The following C2orf92 variants were observed in gnomAD, a reference collection of about 807,000 sequenced individuals.
C2orf92 encodes the protein chromosome 2 open reading frame 92.
chr2:97,675,088 T>C (rs1675533650), intron 2 of C2orf92, among the ~76,000 whole-genome samples: 1 of 152,196 alleles, frequency 6.6e-6, no homozygotes, highest in South Asian at 2.1e-4. Flanking sequence ...CCAGTGCCAA[T>C]GCTGAGAGGA....
Position 97,677,625 on chromosome 2 carries a change from C to T in C2orf92, c.232+1697C>T, listed in dbSNP as rs997801209. 4.6e-5 allele frequency: 7 copies of T among 152,134 alleles called. No individual in the cohort carries two copies. The South Asian group carries it at 1.0e-3, about 22-fold the overall frequency. The allele number at this position is 152,134 out of a possible 1,614,324, so 9.4% of individuals were successfully genotyped here. ...TCCAGAGTTATCAAAATGTAATACA[C>T]AGAATGTCCATCTCTCAACGTAAAA... On this transcript the variant is annotated intron_variant, in intron 3 of 7. Coordinates refer to ENST00000627399, the MANE Select transcript of C2orf92 (RefSeq NM_001351368.2).
chr2:97,694,248 C>CTTTT (rs1175002909), intron 5 of C2orf92, among the ~76,000 whole-genome samples: 7 of 142,524 alleles, frequency 4.9e-5, no homozygotes, highest in Non-Finnish European at 3.1e-5. Flanking sequence ...TTCTTTCTTT[C>CTTTT]TTTTTTTTTT....
Position 97,681,869 on chromosome 2 carries a change from G to A in C2orf92, c.232+5941G>A, listed in dbSNP as rs559039301. On this transcript the variant is annotated intron_variant, in intron 3 of 7. Transcript: ENST00000627399. ...AAGACTCTGTCTCAAAAAAAAAAGG[G>A]GGGGGATCTTAAATAAATAACCTAA... Among the ~76,000 whole-genome samples the A allele has an allele frequency of 2.6e-5, 4 of 152,030 alleles. No homozygotes were observed. In the South Asian group the frequency reaches 8.3e-4, roughly 32 times the overall value.
At chr2:97,693,486 T>C (rs1676206085) in intron 5 of C2orf92, among the ~76,000 whole-genome samples, 1 of 152,268 alleles carries the variant, frequency 6.6e-6, no homozygotes, top group African/African-American at 2.4e-5. Flanking sequence ...TGTTAACATT[T>C]GTTATTACAT....
chr2:97,691,918 A>C (rs1405481585), intron 5 of C2orf92, among the ~76,000 whole-genome samples: 1 of 152,124 alleles, frequency 6.6e-6, no homozygotes, highest in Non-Finnish European at 1.5e-5. Flanking sequence ...ACCGCGCCTG[A>C]AAATAGTGTG....
chr2:97,686,229 G>A (rs968859903), intron 3 of C2orf92, among the ~76,000 whole-genome samples: 7 of 152,130 alleles, frequency 4.6e-5, no homozygotes, highest in Admixed American at 6.6e-5. Flanking sequence ...GCACTCTTAC[G>A]ATAACTAACC....
intron 5 of C2orf92, among the ~76,000 whole-genome samples, chr2:97,691,353 G>A (rs891754602): frequency 1.3e-5 from 2 of 152,180 alleles, no homozygotes; most frequent in African/African-American, 4.8e-5. Flanking sequence ...CCGCTGGGGT[G>A]GTGGGGCTGG....
intron 5 of C2orf92, among the ~76,000 whole-genome samples, chr2:97,698,666 G>T (rs552237374): frequency 1.3e-5 from 2 of 152,088 alleles, no homozygotes; most frequent in South Asian, 4.2e-4. Context: ...CGTCTTTCAG[G>T]ATCTGTGAGA....
intron 2 of C2orf92, 54 bp from the exon 3 acceptor site, chr2:97,675,791 C>T: frequency 2.5e-6 from 1 of 399,066 alleles, no homozygotes; most frequent in Non-Finnish European, 4.4e-6. Flanking sequence ...CTGAAGGGAA[C>T]AGCTGCAGAC....
At chr2:97,698,291 C>T (rs1676373305) in intron 5 of C2orf92, among the ~76,000 whole-genome samples, 1 of 152,224 alleles carries the variant, frequency 6.6e-6, no homozygotes, top group African/African-American at 2.4e-5. Context: ...GATAGGCAGG[C>T]CATGCTGGCC....
chr2:97,683,172 C>T (rs1369902040), intron 3 of C2orf92, among the ~76,000 whole-genome samples: 2 of 150,860 alleles, frequency 1.3e-5, no homozygotes, highest in Non-Finnish European at 2.9e-5. Flanking sequence ...ATTGAACACA[C>T]AAAAATCAGC....
At chr2:97,698,881 T>G (rs890588072) in intron 5 of C2orf92, 145 bp from the exon 6 acceptor site, 1 of 392,936 alleles carries the variant, frequency 2.5e-6, no homozygotes, top group Non-Finnish European at 4.5e-6. Flanking sequence ...ACCAAAACAC[T>G]GAGGTTCTGT....
intron 5 of C2orf92, among the ~76,000 whole-genome samples, chr2:97,692,775 T>C (rs978583041): frequency 6.6e-6 from 1 of 152,244 alleles, no homozygotes. Flanking sequence ...ATTGCATTGC[T>C]AATACCTCTA....
chr2:97,666,890 C>T (rs1287341494), upstream of C2orf92: 2 of 152,208 alleles, frequency 1.3e-5, no homozygotes, highest in Non-Finnish European at 2.9e-5. Context: ...ATGGTGTCAC[C>T]CTGTCTCTCC....
At chr2:97,691,185 C>A in intron 5 of C2orf92, 1 of 152,372 alleles carries the variant, frequency 6.6e-6, no homozygotes, top group Non-Finnish European at 1.5e-5. Flanking sequence ...TCCCCAAATC[C>A]CACCCTGTGC....
intron 1 of C2orf92, among the ~76,000 whole-genome samples, chr2:97,673,518 A>G (rs761046211): frequency 6.6e-6 from 1 of 152,188 alleles, no homozygotes; most frequent in Non-Finnish European, 1.5e-5. Context: ...TGACAGAGAC[A>G]TCGAATGTCG....
chr2:97,671,334 C>CA (rs1675404943), intron 1 of C2orf92: 1 of 391,082 alleles, frequency 2.6e-6, no homozygotes, highest in Non-Finnish European at 4.5e-6. Flanking sequence ...TTTGTAGAGT[C>CA]GGGGGTCTCC....
intron 5 of C2orf92, among the ~76,000 whole-genome samples, chr2:97,695,423 G>A (rs957722503): frequency 2.6e-5 from 4 of 152,118 alleles, no homozygotes; most frequent in African/African-American, 9.7e-5. Context: ...TAAAATTCTT[G>A]TGCTGGTTTT....
chr2:97,676,433 C>CAAAA (rs1302287547), intron 3 of C2orf92, among the ~76,000 whole-genome samples: 9 of 31,114 alleles, frequency 2.9e-4, no homozygotes, highest in African/African-American at 8.6e-4. Flanking sequence ...GACTCCATCT[C>CAAAA]AAAAAAAAAA....
Sources: gnomAD v4.1 joint callset for allele counts (sites outside exome capture counted in the v4.1 genomes callset) on GRCh38, gnomAD v4.1.1 for gene constraint, MANE v1.5 for transcripts, NCBI Gene and HGNC (gene_info 2026-07-23, HGNC 2026-07-21) for gene names.